The following GALNT17 variants were observed in gnomAD, a reference collection of about 807,000 sequenced individuals.
GALNT17 encodes polypeptide N-acetylgalactosaminyltransferase 17.
GALNT17 carries 29 observed loss-of-function variants against 63.7 expected under a neutral mutation model. The observed-to-expected ratio is 0.46, with a 90% CI of 0.34 to 0.62. The LOEUF (loss-of-function observed/expected upper bound fraction) is 0.62, where lower values mean the gene tolerates loss of function less well. Among genes scored for constraint, GALNT17 ranks in the 20% least tolerant of loss-of-function variants. The pLI, the probability that GALNT17 is intolerant of heterozygous loss-of-function variation, is 0.01. For synonymous variants in GALNT17, 305 were observed against 318.3 expected, an observed-to-expected ratio of 0.96 and a Z score of 0.45; for missense variants, 603 against 799.6, an observed-to-expected ratio of 0.75 and a Z score of 2.97.
At chr7:71,565,845 C>CTT (rs71738437) in intron 5 of GALNT17, among the ~76,000 whole-genome samples, 6 of 127,834 alleles carry the variant, frequency 4.7e-5, no homozygotes, top group Non-Finnish European at 6.5e-5. Flanking sequence ...CTTCTCTTTT[C>CTT]TTTTTTTTTT....
At chr7:71,491,136 G>C (rs1245719204) in intron 5 of GALNT17, among the ~76,000 whole-genome samples, 2 of 152,210 alleles carry the variant, frequency 1.3e-5, no homozygotes, top group East Asian at 1.9e-4. Flanking sequence ...AGAGGTTGCA[G>C]TGAGCCGAGA....
chr7:71,252,705 A>T (rs1435074943), intron 1 of GALNT17, among the ~76,000 whole-genome samples: 1 of 152,128 alleles, frequency 6.6e-6, no homozygotes, highest in Non-Finnish European at 1.5e-5. Flanking sequence ...GGAAAATACA[A>T]CCTTGGAGCC....
At chr7:71,240,012 T>C (rs1177378745) in intron 1 of GALNT17, among the ~76,000 whole-genome samples, 3 of 152,146 alleles carry the variant, frequency 2.0e-5, no homozygotes, top group Non-Finnish European at 4.4e-5. Flanking sequence ...CATTTGGGTG[T>C]TTTAAGAGAC....
intron 1 of GALNT17, among the ~76,000 whole-genome samples, chr7:71,318,281 A>G (rs1176331657): frequency 1.3e-5 from 2 of 152,178 alleles, no homozygotes; most frequent in Non-Finnish European, 2.9e-5. Flanking sequence ...GAACTTAGAT[A>G]ATGCAGGCTT....
At chr7:71,425,226 A>ATT (rs777436949) in intron 5 of GALNT17, among the ~76,000 whole-genome samples, 4 of 144,642 alleles carry the variant, frequency 2.8e-5, no homozygotes, top group Non-Finnish European at 4.6e-5. Context: ...GGTCTTCAGA[A>ATT]TTTTTTTTTT....
At chr7:71,536,894 G>A (rs1202325232) in intron 5 of GALNT17, among the ~76,000 whole-genome samples, 1 of 152,182 alleles carries the variant, frequency 6.6e-6, no homozygotes, top group African/African-American at 2.4e-5. Context: ...ATGCCACATA[G>A]TTAACCCTAT....
chr7:71,276,682 C>T (rs1790687905), intron 1 of GALNT17, among the ~76,000 whole-genome samples: 2 of 152,096 alleles, frequency 1.3e-5, no homozygotes, highest in Non-Finnish European at 2.9e-5. Context: ...ACTGTGAACC[C>T]ATTAGATCTC....
intron 6 of GALNT17, among the ~76,000 whole-genome samples, chr7:71,610,448 C>A (rs1000540137): frequency 6.6e-6 from 1 of 152,006 alleles, no homozygotes; most frequent in Non-Finnish European, 1.5e-5. Context: ...CTACTGCACT[C>A]CAGCCTGGGT....
At chr7:71,499,990 A>AT (rs1330847883) in intron 5 of GALNT17, among the ~76,000 whole-genome samples, 4 of 152,182 alleles carry the variant, frequency 2.6e-5, no homozygotes, top group Non-Finnish European at 2.9e-5. Context: ...GTGAAGAAGA[A>AT]TGTGTTTGCT....
intron 1 of GALNT17, among the ~76,000 whole-genome samples, chr7:71,318,865 G>A (rs769331361): frequency 5.3e-5 from 8 of 152,152 alleles, no homozygotes; most frequent in Non-Finnish European, 1.2e-4. Context: ...AATTCAGTAC[G>A]GAGTTGCAGA....
intron 1 of GALNT17, among the ~76,000 whole-genome samples, chr7:71,256,381 G>T (rs1318969126): frequency 6.6e-6 from 1 of 152,152 alleles, no homozygotes; most frequent in African/African-American, 2.4e-5. Context: ...GACCAGCCTG[G>T]CCAACATGGT....
intron 1 of GALNT17, among the ~76,000 whole-genome samples, chr7:71,235,427 G>A (rs1297058734): frequency 6.6e-6 from 1 of 152,092 alleles, no homozygotes; most frequent in Non-Finnish European, 1.5e-5. Flanking sequence ...AGGACCTGGA[G>A]TGACTCGGAT....
intron 5 of GALNT17, among the ~76,000 whole-genome samples, chr7:71,537,578 G>A (rs572151770): frequency 7.2e-5 from 11 of 152,234 alleles, no homozygotes; most frequent in Non-Finnish European, 1.3e-4. Flanking sequence ...TTGGGAGGCC[G>A]AGGCAGGCAG....
intron 5 of GALNT17, among the ~76,000 whole-genome samples, chr7:71,424,963 G>C (rs1487693774): frequency 6.6e-6 from 1 of 152,094 alleles, no homozygotes; most frequent in African/African-American, 2.4e-5. Context: ...TTCTGTTTCA[G>C]TTCTTTTCCT....
intron 5 of GALNT17, among the ~76,000 whole-genome samples, chr7:71,483,115 C>T (rs1298753082): frequency 6.6e-6 from 1 of 152,158 alleles, no homozygotes; most frequent in Non-Finnish European, 1.5e-5. Context: ...TAATCATGCA[C>T]CTGTCTAAGG....
At chr7:71,433,873 G>C (rs1038659473) in intron 5 of GALNT17, among the ~76,000 whole-genome samples, 1 of 152,188 alleles carries the variant, frequency 6.6e-6, no homozygotes, top group African/African-American at 2.4e-5. Flanking sequence ...TTGAGTCACT[G>C]GACTGGGAGA....
At chr7:71,344,684 G>A (rs993218613) in intron 2 of GALNT17, among the ~76,000 whole-genome samples, 8 of 152,098 alleles carry the variant, frequency 5.3e-5, no homozygotes, top group Non-Finnish European at 8.8e-5. Context: ...AACTGTGTGC[G>A]AGACATTGCC....
At chr7:71,655,273 A>G (rs2117029529) in intron 6 of GALNT17, among the ~76,000 whole-genome samples, 1 of 152,246 alleles carries the variant, frequency 6.6e-6, no homozygotes, top group Admixed American at 6.6e-5. Context: ...AGAATCAAAG[A>G]AAAAGATTCA....
intron 6 of GALNT17, among the ~76,000 whole-genome samples, chr7:71,631,282 T>G (rs892474285): frequency 6.6e-6 from 1 of 151,726 alleles, no homozygotes; most frequent in African/African-American, 2.4e-5. Context: ...AGCCTCAACC[T>G]CCTGGGCTCA....
Sources: gnomAD v4.1 joint callset for allele counts (sites outside exome capture counted in the v4.1 genomes callset) on GRCh38, gnomAD v4.1.1 for gene constraint, MANE v1.5 for transcripts, NCBI Gene and HGNC (gene_info 2026-07-23, HGNC 2026-07-21) for gene names.